Variants in CD53 observed in about 807,000 individuals in gnomAD.
CD53 encodes CD53 molecule.
Under a neutral mutation model 27.3 loss-of-function variants are expected in CD53, and 20 were observed. The observed-to-expected ratio is 0.73, with a 90% confidence interval of 0.52 to 1.07. The LOEUF is 1.07. CD53 is among the 50% of genes least tolerant of loss of function. The pLI is 0.00. For missense variants in CD53, 216 were observed against 264.0 expected (o/e 0.82, Z 1.26); for synonymous variants, 106 against 105.3 (o/e 1.01, Z -0.04).
intron 1 of CD53, among the ~76,000 whole-genome samples, chr1:110,887,613 CTT>C (rs1246043721): frequency 1.3e-5 from 2 of 152,298 alleles, no homozygotes; most frequent in Admixed American, 6.5e-5. Flanking sequence ...GGCCCTTACT[CTT>C]AAGATTTGTT....
intron 1 of CD53, among the ~76,000 whole-genome samples, chr1:110,879,822 C>G (rs1299824270): frequency 6.6e-6 from 1 of 152,144 alleles, no homozygotes; most frequent in Non-Finnish European, 1.5e-5. Flanking sequence ...CCCACCTCAG[C>G]TTCCCAAATG....
At chr1:110,887,435 C>A in intron 1 of CD53, among the ~76,000 whole-genome samples, 1 of 152,282 alleles carries the variant, frequency 6.6e-6, no homozygotes, top group South Asian at 2.1e-4. Context: ...TTTCATCTAT[C>A]GCCATATTAT....
chr1:110,876,907 C>T (rs1157065970), intron 1 of CD53, among the ~76,000 whole-genome samples: 1 of 152,122 alleles, frequency 6.6e-6, no homozygotes. Context: ...TCTCATTTGA[C>T]AGTAATTAGT....
At chr1:110,881,518 G>T (rs1173292817) in intron 1 of CD53, among the ~76,000 whole-genome samples, 1 of 151,938 alleles carries the variant, frequency 6.6e-6, no homozygotes, top group African/African-American at 2.4e-5. Flanking sequence ...TGGACATTTG[G>T]GTTGCTTCCA....
At chr1:110,894,167 C>G in intron 3 of CD53, 160 bp from the exon 4 acceptor site, 1 of 639,684 alleles carries the variant, frequency 1.6e-6, no homozygotes, top group South Asian at 1.8e-5. Flanking sequence ...AGAAAAAGAA[C>G]ACATATTTTC....
At chr1:110,887,103 A>G (rs900666546) in intron 1 of CD53, among the ~76,000 whole-genome samples, 10 of 148,806 alleles carry the variant, frequency 6.7e-5, no homozygotes, top group East Asian at 3.9e-4. Context: ...TCGCTCTGTC[A>G]CCCAGGCTGT....
At chr1:110,881,658 T>G (rs1336541633) in intron 1 of CD53, among the ~76,000 whole-genome samples, 1 of 152,236 alleles carries the variant, frequency 6.6e-6, no homozygotes, top group African/African-American at 2.4e-5. Flanking sequence ...GATAAGTATA[T>G]GTTTAACTTT....
At chr1:110,881,656 T>C (rs1005842877) in intron 1 of CD53, among the ~76,000 whole-genome samples, 1 of 152,222 alleles carries the variant, frequency 6.6e-6, no homozygotes, top group African/African-American at 2.4e-5. Flanking sequence ...ATGATAAGTA[T>C]ATGTTTAACT....
intron 1 of CD53, among the ~76,000 whole-genome samples, chr1:110,886,685 C>T (rs1206784978): frequency 1.3e-5 from 2 of 151,658 alleles, no homozygotes; most frequent in African/African-American, 4.8e-5. Context: ...CCTGTCTCTA[C>T]TAAAAATACA....
At chr1:110,895,581 T>C (rs1173468054) in intron 5 of CD53, among the ~76,000 whole-genome samples, 2 of 152,196 alleles carry the variant, frequency 1.3e-5, no homozygotes, top group Non-Finnish European at 2.9e-5. Context: ...CTCGAAACAG[T>C]ACCACTATGA....
chr1:110,875,105 G>T (rs947380617), intron 1 of CD53, among the ~76,000 whole-genome samples: 7 of 152,252 alleles, frequency 4.6e-5, no homozygotes, highest in Middle Eastern at 3.4e-3. Context: ...GTGACTGGTG[G>T]GTTCACTTTC....
In CD53 at chr1:110,891,324, T is replaced by A. The variant is rs1656843337; in HGVS notation, c.-17-68T>A. ...GGTAATGCTAGAGATCCCTGAACAT[T>A]TGTGCACTCTGATCTCTGGCTACCT... On this transcript the variant is annotated intron_variant, in intron 1 of 7. Transcript: ENST00000271324. The A allele has an allele frequency of 3.6e-5, 39 of 1,069,424 alleles. 2 individuals carry two copies. In the South Asian group the frequency reaches 4.8e-4, roughly 13 times the overall value. 66.2% of individuals were successfully genotyped at this position (1,069,424 alleles called of 1,614,324 possible).
intron 7 of CD53, 21 bp from the exon 8 acceptor site, chr1:110,899,102 AT>A: frequency 6.2e-7 from 1 of 1,608,200 alleles, no homozygotes; most frequent in East Asian, 2.2e-5. Context: ...AAGACTTCAA[AT>A]TTTCCCAACT....
At chr1:110,885,281 T>G (rs1656531110) in intron 1 of CD53, among the ~76,000 whole-genome samples, 1 of 152,238 alleles carries the variant, frequency 6.6e-6, no homozygotes. Flanking sequence ...GCAGGCGCGG[T>G]GGCTCACGCC....
At chr1:110,871,303 G>A (rs183301339), upstream of CD53, among the ~76,000 whole-genome samples, 3 of 152,292 alleles carry the variant, frequency 2.0e-5, no homozygotes, top group Admixed American at 6.5e-5. Flanking sequence ...GTTGGAGAGA[G>A]GTGGTCTGGT....
intron 6 of CD53, chr1:110,897,593 T>G (rs537388316): frequency 4.7e-6 from 2 of 423,226 alleles, no homozygotes; most frequent in Non-Finnish European, 8.6e-6. Flanking sequence ...TCTACATTAG[T>G]TACCACTGTA....
intron 1 of CD53, among the ~76,000 whole-genome samples, chr1:110,879,392 G>C (rs946399972): frequency 2.6e-5 from 4 of 152,206 alleles, no homozygotes; most frequent in African/African-American, 9.6e-5. Context: ...AACTAGACCT[G>C]TCTGATTCCA....
intron 1 of CD53, among the ~76,000 whole-genome samples, chr1:110,889,534 G>A (rs1384075997): frequency 1.3e-5 from 2 of 150,880 alleles, no homozygotes; most frequent in African/African-American, 4.9e-5. Flanking sequence ...TGCCAGCCTC[G>A]GCGAAAGAGC....
chr1:110,885,256 A>G (rs1340054571), intron 1 of CD53, among the ~76,000 whole-genome samples: 1 of 152,226 alleles, frequency 6.6e-6, no homozygotes, highest in Non-Finnish European at 1.5e-5. Flanking sequence ...TTCAGTATCT[A>G]TTAAAGAGAT....
Sources: gnomAD v4.1 joint callset for allele counts (sites outside exome capture counted in the v4.1 genomes callset) on GRCh38, gnomAD v4.1.1 for gene constraint, MANE v1.5 for transcripts, NCBI Gene and HGNC (gene_info 2026-07-23, HGNC 2026-07-21) for gene names.